The following CPXM2 variants were observed in gnomAD, a reference collection of about 807,000 sequenced individuals.
CPXM2 encodes carboxypeptidase X, M14 family member 2.
A neutral mutation model predicts 86.1 loss-of-function variants in CPXM2; 66 were observed. That is an observed-to-expected ratio of 0.77 (90% CI 0.63 to 0.94). The LOEUF (loss-of-function observed/expected upper bound fraction) is 0.94. CPXM2 is among the 40% of genes least tolerant of loss of function. The pLI is 0.00. For missense variants in CPXM2, 948 were observed against 1,026.3 expected (o/e 0.92, Z 1.04); for synonymous variants, 388 against 400.2 (o/e 0.97, Z 0.36).
At chr10:123,861,351 G>A (rs548392627) in intron 3 of CPXM2, among the ~76,000 whole-genome samples, 3 of 152,300 alleles carry the variant, frequency 2.0e-5, no homozygotes, top group African/African-American at 2.4e-5. Flanking sequence ...CACACAGGAC[G>A]GTAGAGATCA....
intron 2 of CPXM2, among the ~76,000 whole-genome samples, chr10:123,909,557 A>G (rs1945471908): frequency 6.6e-6 from 1 of 152,150 alleles, no homozygotes; most frequent in African/African-American, 2.4e-5. Context: ...CAGGCTGCTC[A>G]TGTTTGCTGG....
chr10:123,831,556 C>T (rs1382004177), intron 4 of CPXM2, among the ~76,000 whole-genome samples: 1 of 152,170 alleles, frequency 6.6e-6, no homozygotes, highest in Non-Finnish European at 1.5e-5. Context: ...CATTTATTCT[C>T]TTATGGTTCT....
intron 2 of CPXM2, among the ~76,000 whole-genome samples, chr10:123,930,018 C>G (rs78767359): frequency 1.3e-5 from 2 of 152,156 alleles, no homozygotes; most frequent in Admixed American, 1.3e-4. Flanking sequence ...CTGCCCAGCC[C>G]GTCCTGGGCC....
At chr10:123,875,722 C>A (rs1944971442) in intron 2 of CPXM2, among the ~76,000 whole-genome samples, 1 of 151,868 alleles carries the variant, frequency 6.6e-6, no homozygotes, top group African/African-American at 2.4e-5. Context: ...GGAGATGCGT[C>A]AAGCAAGCTC....
At chr10:123,848,817 C>G (rs1355506382) in intron 3 of CPXM2, among the ~76,000 whole-genome samples, 1 of 152,192 alleles carries the variant, frequency 6.6e-6, no homozygotes, top group African/African-American at 2.4e-5. Flanking sequence ...CATTCTACAG[C>G]TCATTATTTA....
At chr10:123,759,800 G>A (rs1846293021) in intron 11 of CPXM2, among the ~76,000 whole-genome samples, 1 of 152,200 alleles carries the variant, frequency 6.6e-6, no homozygotes, top group Non-Finnish European at 1.5e-5. Flanking sequence ...GTGCAGGGTT[G>A]CAGGAACAGA....
intron 6 of CPXM2, among the ~76,000 whole-genome samples, chr10:123,790,980 G>C (rs1416757753): frequency 2.0e-5 from 3 of 152,132 alleles, no homozygotes; most frequent in Non-Finnish European, 2.9e-5. Flanking sequence ...TGACAGAAGA[G>C]AGAATGGAAG....
intron 6 of CPXM2, among the ~76,000 whole-genome samples, chr10:123,784,122 G>A (rs1043918040): frequency 6.6e-6 from 1 of 152,142 alleles, no homozygotes; most frequent in African/African-American, 2.4e-5. Context: ...GAAGGCTTTT[G>A]AGTTCAAGTG....
intron 1 of CPXM2, among the ~76,000 whole-genome samples, chr10:123,886,777 G>C (rs1197912906): frequency 6.6e-6 from 1 of 152,208 alleles, no homozygotes; most frequent in Non-Finnish European, 1.5e-5. Flanking sequence ...CAATAGTTCA[G>C]CTTATTATTT....
chr10:123,833,799 C>A (rs1057146035), intron 4 of CPXM2, among the ~76,000 whole-genome samples: 1 of 152,176 alleles, frequency 6.6e-6, no homozygotes, highest in Non-Finnish European at 1.5e-5. Flanking sequence ...GGTCCGAGCA[C>A]ATTTCGGCTT....
At chr10:123,915,528 A>T (rs1172637795) in intron 2 of CPXM2, among the ~76,000 whole-genome samples, 1 of 152,158 alleles carries the variant, frequency 6.6e-6, no homozygotes, top group East Asian at 1.9e-4. Flanking sequence ...ACTGCAGTAC[A>T]GCCTGGGCAA....
chr10:123,847,458 G>A (rs1342856790), intron 3 of CPXM2, among the ~76,000 whole-genome samples: 5 of 152,026 alleles, frequency 3.3e-5, no homozygotes, highest in South Asian at 2.1e-4. Flanking sequence ...CCTGAGAGGC[G>A]GAGGTTGCAG....
intron 2 of CPXM2, among the ~76,000 whole-genome samples, chr10:123,922,814 A>G (rs1945588399): frequency 6.6e-6 from 1 of 152,226 alleles, no homozygotes; most frequent in Admixed American, 6.5e-5. Context: ...TGAGTAGAAT[A>G]ATTGATTCAG....
chr10:123,793,990 G>A (rs1209604967), intron 6 of CPXM2, among the ~76,000 whole-genome samples: 2 of 152,196 alleles, frequency 1.3e-5, no homozygotes, highest in South Asian at 2.1e-4. Flanking sequence ...GACAGGCGGT[G>A]GCCTTACAAT....
chr10:123,837,376 T>C (rs948267261), intron 4 of CPXM2, among the ~76,000 whole-genome samples: 1 of 152,186 alleles, frequency 6.6e-6, no homozygotes, highest in Non-Finnish European at 1.5e-5. Flanking sequence ...GCTGCCCCAC[T>C]TAAAAGACAA....
In CPXM2 at chr10:123,857,685, G is replaced by A. The variant is rs531568776; in HGVS notation, c.513+4929C>T. Among the ~76,000 whole-genome samples, 10 of 151,704 alleles carry A rather than the reference G, an allele frequency of 6.6e-5. No individual in the cohort carries two copies. The South Asian group carries it at 2.1e-3, about 32-fold the overall frequency. On this transcript the variant is annotated intron_variant, in intron 3 of 13. Transcript: ENST00000241305. ...CGGCGTGGAGATGGAAGGCGGCGTG[G>A]AGCTGCTGAGTTGAAGGCTAGGGCA...
intron 2 of CPXM2, among the ~76,000 whole-genome samples, chr10:123,908,946 TA>T (rs572855077): frequency 3.2e-4 from 49 of 151,414 alleles, no homozygotes; most frequent in African/African-American, 8.5e-4. Context: ...TATCTTCAAT[TA>T]AAAAAAAAGA....
intron 2 of CPXM2, among the ~76,000 whole-genome samples, chr10:123,933,958 G>C (rs1590129347): frequency 6.6e-6 from 1 of 152,130 alleles, no homozygotes; most frequent in East Asian, 1.9e-4. Flanking sequence ...AGATTGGGTT[G>C]TGTCTGCTCA....
intron 2 of CPXM2, among the ~76,000 whole-genome samples, chr10:123,906,790 A>C (rs1164271006): frequency 2.0e-5 from 3 of 152,202 alleles, no homozygotes; most frequent in Non-Finnish European, 4.4e-5. Context: ...CACTTTTAGG[A>C]GAGAAAGCAG....
Sources: gnomAD v4.1 joint callset for allele counts (sites outside exome capture counted in the v4.1 genomes callset) on GRCh38, gnomAD v4.1.1 for gene constraint, MANE v1.5 for transcripts, NCBI Gene and HGNC (gene_info 2026-07-23, HGNC 2026-07-21) for gene names.